MB21D2: variants seen among roughly 807,000 people sequenced by gnomAD.
MB21D2 encodes Mab-21 domain containing 2.
MB21D2 carries 9 observed loss-of-function variants against 33.3 expected under a neutral mutation model. The ratio of observed to expected loss-of-function variants is 0.27; its 90% confidence interval spans 0.16 to 0.47. The LOEUF (loss-of-function observed/expected upper bound fraction) is 0.47, where lower values mean the gene tolerates loss of function less well. Ranked by LOEUF, MB21D2 falls within the 20% of genes least tolerant of loss-of-function variation. The probability of loss-of-function intolerance (pLI) is 0.99; values close to 1 mark genes in which losing one functional copy is unlikely to be tolerated. For synonymous variants in MB21D2, 241 were observed against 236.3 expected (o/e 1.02, Z -0.18); for missense variants, 540 against 624.6 (o/e 0.86, Z 1.44).
intron 1 of MB21D2, among the ~76,000 whole-genome samples, chr3:192,806,966 A>G (rs937976035): frequency 6.6e-6 from 1 of 152,198 alleles, no homozygotes; most frequent in Non-Finnish European, 1.5e-5. Context: ...AAATTGTAGA[A>G]TAACAACTGG....
At position 192,821,807 on chromosome 3, in the gene MB21D2, G is replaced by A. The variant is rs572226390; in HGVS notation, c.212-22157C>T. Among the ~76,000 whole-genome samples, 107 of 152,220 alleles carry A rather than the reference G, an allele frequency of 7.0e-4. 1 individual carries two copies. Among genetic ancestry groups the A allele is most frequent in the Non-Finnish European group, 1.1e-3 (77 of 68,026 alleles). On this transcript the variant is annotated intron_variant, in intron 1 of 1. Transcript: ENST00000392452. ...TGCCATGATGGGCCGTCAGGGTCCT[G>A]GAAGGTCCTGAGGACAGAAGTAGGA...
chr3:192,822,731 C>A (rs1032507408), intron 1 of MB21D2, among the ~76,000 whole-genome samples: 2 of 152,182 alleles, frequency 1.3e-5, no homozygotes, highest in African/African-American at 4.8e-5. Flanking sequence ...TGCACAGACC[C>A]TTAGAACATC....
intron 1 of MB21D2, among the ~76,000 whole-genome samples, chr3:192,887,015 G>A (rs538157870): frequency 2.6e-5 from 4 of 151,494 alleles, no homozygotes; most frequent in African/African-American, 7.3e-5. Context: ...CCCCACTTTC[G>A]CCACTGTCCC....
chr3:192,860,471 T>TA (rs1323518387), intron 1 of MB21D2, among the ~76,000 whole-genome samples: 2 of 152,108 alleles, frequency 1.3e-5, no homozygotes, highest in Admixed American at 1.3e-4. Flanking sequence ...TTAGCATGCA[T>TA]AAAAAATAAA....
chr3:192,827,098 A>G (rs1712190675), intron 1 of MB21D2, among the ~76,000 whole-genome samples: 1 of 151,908 alleles, frequency 6.6e-6, no homozygotes, highest in Non-Finnish European at 1.5e-5. Context: ...GGGTTTCACC[A>G]TGTTAGCCAG....
At chr3:192,915,307 T>TA (rs141755115) in intron 1 of MB21D2, among the ~76,000 whole-genome samples, 3 of 152,046 alleles carry the variant, frequency 2.0e-5, no homozygotes, top group East Asian at 3.9e-4. Context: ...ACAAAGTGTA[T>TA]AAAAAAAATG....
chr3:192,830,190 A>G (rs915957949), intron 1 of MB21D2, among the ~76,000 whole-genome samples: 3 of 152,098 alleles, frequency 2.0e-5, no homozygotes, highest in Non-Finnish European at 2.9e-5. Flanking sequence ...TTATGAACAT[A>G]GAGTTTTCCT....
chr3:192,903,138 CT>C (rs1714139527), intron 1 of MB21D2, among the ~76,000 whole-genome samples: 1 of 152,220 alleles, frequency 6.6e-6, no homozygotes, highest in Non-Finnish European at 1.5e-5. Context: ...AAGCACAGCC[CT>C]CTTGGAGTGA....
chr3:192,905,777 G>C (rs190310414), intron 1 of MB21D2, among the ~76,000 whole-genome samples: 1 of 152,030 alleles, frequency 6.6e-6, no homozygotes, highest in Admixed American at 6.6e-5. Flanking sequence ...AGGCTGCAGT[G>C]AGCCGAGATC....
intron 1 of MB21D2, among the ~76,000 whole-genome samples, chr3:192,825,376 G>C (rs550979509): frequency 6.6e-6 from 1 of 152,188 alleles, no homozygotes. Flanking sequence ...TCTCATGCCA[G>C]AGCAAGTCAA....
At chr3:192,865,735 C>T (rs1181648517) in intron 1 of MB21D2, among the ~76,000 whole-genome samples, 3 of 151,976 alleles carry the variant, frequency 2.0e-5, no homozygotes, top group African/African-American at 7.3e-5. Context: ...CTTCTGTGTT[C>T]AACATATGAT....
chr3:192,827,319 C>T (rs562747864), intron 1 of MB21D2, among the ~76,000 whole-genome samples: 6 of 152,266 alleles, frequency 3.9e-5, no homozygotes, highest in African/African-American at 1.4e-4. Flanking sequence ...TTCAGATCCA[C>T]AGTCGTTTAT....
At chr3:192,831,206 G>C (rs1712307010) in intron 1 of MB21D2, among the ~76,000 whole-genome samples, 1 of 152,190 alleles carries the variant, frequency 6.6e-6, no homozygotes, top group South Asian at 2.1e-4. Flanking sequence ...CACTTCAAAG[G>C]AACCTTGTGG....
At chr3:192,869,346 G>GA (rs34571699) in intron 1 of MB21D2, among the ~76,000 whole-genome samples, 1 of 151,604 alleles carries the variant, frequency 6.6e-6, no homozygotes, top group Non-Finnish European at 1.5e-5. Context: ...GGGAAGGGAG[G>GA]AAGGGAGGAA....
At chr3:192,884,699 G>A (rs1713694528) in intron 1 of MB21D2, among the ~76,000 whole-genome samples, 1 of 152,056 alleles carries the variant, frequency 6.6e-6, no homozygotes, top group African/African-American at 2.4e-5. Context: ...CCTGATCAAA[G>A]TCAAACAGAA....
chr3:192,875,016 A>T (rs886463963), intron 1 of MB21D2, among the ~76,000 whole-genome samples: 2 of 26,004 alleles, frequency 7.7e-5, no homozygotes, highest in Non-Finnish European at 1.2e-4. Flanking sequence ...TGTCCCTATT[A>T]AAAAAAAAAC....
intron 1 of MB21D2, among the ~76,000 whole-genome samples, chr3:192,868,053 A>G (rs1713206776): frequency 6.6e-6 from 1 of 152,194 alleles, no homozygotes; most frequent in Admixed American, 6.5e-5. Context: ...TTCTGACTCA[A>G]AGAATCACCA....
intron 1 of MB21D2, among the ~76,000 whole-genome samples, chr3:192,895,921 T>G (rs1205850809): frequency 6.6e-6 from 1 of 152,162 alleles, no homozygotes; most frequent in Non-Finnish European, 1.5e-5. Context: ...AGTCAAATTC[T>G]TTGCACAAAG....
chr3:192,892,142 C>A (rs116924092), intron 1 of MB21D2, among the ~76,000 whole-genome samples: 4,112 of 151,382 alleles, frequency 0.027, 69 homozygotes, highest in Middle Eastern at 0.048. Context: ...GCACTGGCAG[C>A]TCCTTTGGCC....
Sources: allele counts gnomAD v4.1 joint callset (sites outside exome capture counted in the v4.1 genomes callset), GRCh38; gene constraint gnomAD v4.1.1; transcripts MANE v1.5; gene names NCBI Gene and HGNC (gene_info 2026-07-23, HGNC 2026-07-21).